The following MAP4 variants were observed in gnomAD, a reference collection of about 807,000 sequenced individuals.
MAP4 encodes microtubule-associated protein 4.
Under a neutral mutation model 170.2 loss-of-function variants are expected in MAP4, and 76 were observed. The observed-to-expected ratio is 0.45, with a 90% CI of 0.37 to 0.54. The LOEUF is 0.54. MAP4 is among the 20% of genes least tolerant of loss of function. The probability of loss-of-function intolerance (pLI) is 0.00; values close to 1 mark genes in which losing one functional copy is unlikely to be tolerated. For synonymous variants in MAP4, 909 were observed against 994.5 expected (o/e 0.91, Z 1.62); for missense variants, 2,506 against 2,748.0 (o/e 0.91, Z 1.97).
chr3:47,882,034 T>C (rs951431137), intron 10 of MAP4, among the ~76,000 whole-genome samples: 1 of 152,176 alleles, frequency 6.6e-6, no homozygotes. Context: ...CATTCAGCAC[T>C]TTGGGAGGCC....
intron 3 of MAP4, among the ~76,000 whole-genome samples, chr3:47,964,746 GAAC>G (rs2100073825): frequency 6.6e-6 from 1 of 152,122 alleles, no homozygotes; most frequent in African/African-American, 2.4e-5. Context: ...GGACAAACCA[GAAC>G]AAACGTACAA....
chr3:47,953,355 T>G (rs944505561), intron 3 of MAP4, among the ~76,000 whole-genome samples: 4 of 151,870 alleles, frequency 2.6e-5, no homozygotes, highest in African/African-American at 9.7e-5. Flanking sequence ...AGACCCCATC[T>G]CCACAAAAAA....
intron 2 of MAP4, among the ~76,000 whole-genome samples, chr3:47,995,401 C>G (rs2100094900): frequency 6.6e-6 from 1 of 152,016 alleles, no homozygotes; most frequent in African/African-American, 2.4e-5. Context: ...CAGGTGCACA[C>G]CATTACCCCT....
At chr3:47,902,862 A>G (rs1047438665) in intron 10 of MAP4, 88 bp downstream of exon 10, 1 of 465,720 alleles carries the variant, frequency 2.1e-6, no homozygotes, top group Non-Finnish European at 2.8e-6. Context: ...TCTGCTGAGC[A>G]TATTTTATTT....
intron 1 of MAP4, among the ~76,000 whole-genome samples, chr3:48,079,815 T>A (rs2100145691): frequency 6.6e-6 from 1 of 151,862 alleles, no homozygotes; most frequent in South Asian, 2.1e-4. Flanking sequence ...CTGGGCACGG[T>A]GGCAGGTACT....
chr3:47,987,722 C>T (rs2100089669), intron 2 of MAP4, among the ~76,000 whole-genome samples: 1 of 152,208 alleles, frequency 6.6e-6, no homozygotes, highest in Non-Finnish European at 1.5e-5. Context: ...CAATTCTTTC[C>T]TTTCAGTTGC....
At chr3:47,905,908 C>T (rs1166139391) in intron 9 of MAP4, among the ~76,000 whole-genome samples, 1 of 151,900 alleles carries the variant, frequency 6.6e-6, no homozygotes, top group Non-Finnish European at 1.5e-5. Flanking sequence ...GTAGGAGAAT[C>T]GCTTGAACCT....
At chr3:48,032,663 TCAAAAA>T (rs2100116791) in intron 1 of MAP4, among the ~76,000 whole-genome samples, 1 of 152,102 alleles carries the variant, frequency 6.6e-6, no homozygotes, top group African/African-American at 2.4e-5. Flanking sequence ...AGACTCCTTC[TCAAAAA>T]CAAACAAAAA....
chr3:48,061,735 AG>A (rs2100135500), intron 1 of MAP4, among the ~76,000 whole-genome samples: 1 of 99,716 alleles, frequency 1.0e-5, no homozygotes. Flanking sequence ...GCAGCCGCCC[AG>A]TCCGGGAGGT....
intron 2 of MAP4, among the ~76,000 whole-genome samples, chr3:47,995,147 T>C (rs931620636): frequency 5.9e-5 from 9 of 152,052 alleles, no homozygotes; most frequent in Admixed American, 4.6e-4. Flanking sequence ...TTCTGGAAAA[T>C]TGAATTAAAG....
At position 47,890,886 on chromosome 3, in the gene MAP4, C is replaced by G. The variant is rs76489172; in HGVS notation, c.5434+12064G>C. Reference sequence around the variant, plus strand: ...CCTCACTCCCAGCAAGCTTCCAACACAAGGGAATTAAGCTTTCCCCAGGCA... The same window carrying G: ...CCTCACTCCCAGCAAGCTTCCAACAGAAGGGAATTAAGCTTTCCCCAGGCA... On this transcript the variant is annotated intron_variant, in intron 10 of 20. Transcript: ENST00000683076. 6,159 of 679,412 alleles carry G rather than the reference C, an allele frequency of 9.1e-3. 419 individuals are homozygous for G. In the East Asian group the frequency reaches 0.15, roughly 16 times the overall value. 42.1% of individuals were successfully genotyped at this position (679,412 alleles called of 1,614,324 possible). A position where few individuals can be genotyped will look rare whatever the true frequency, so the allele number is the denominator to read the frequency against.
chr3:47,933,070 T>G (rs374544019), intron 3 of MAP4, among the ~76,000 whole-genome samples: 71 of 151,678 alleles, frequency 4.7e-4, no homozygotes, highest in African/African-American at 1.7e-3. Context: ...ACCTGGCTAA[T>G]TTTTTTTTAA....
At chr3:47,928,992 G>A (rs542011999) in intron 3 of MAP4, among the ~76,000 whole-genome samples, 1 of 152,214 alleles carries the variant, frequency 6.6e-6, no homozygotes, top group Non-Finnish European at 1.5e-5. Flanking sequence ...ACCTAGAAAA[G>A]CCAAAACAAT....
chr3:47,953,328 G>C (rs574759148), intron 3 of MAP4, among the ~76,000 whole-genome samples: 1 of 152,132 alleles, frequency 6.6e-6, no homozygotes, highest in African/African-American at 2.4e-5. Context: ...TTCAAGCCTA[G>C]AATGAGCAAC....
intron 1 of MAP4, among the ~76,000 whole-genome samples, chr3:48,051,485 C>T (rs1258102287): frequency 6.6e-6 from 1 of 152,178 alleles, no homozygotes; most frequent in Non-Finnish European, 1.5e-5. Flanking sequence ...CTTTATAGCA[C>T]CATTGAGACT....
At chr3:47,900,466 A>G (rs1211657125) in intron 10 of MAP4, among the ~76,000 whole-genome samples, 1 of 152,206 alleles carries the variant, frequency 6.6e-6, no homozygotes, top group East Asian at 1.9e-4. Flanking sequence ...AAGGCCGGGC[A>G]TGGTAGCTAA....
At chr3:48,026,871 T>A (rs760824697) in intron 1 of MAP4, among the ~76,000 whole-genome samples, 5 of 152,200 alleles carry the variant, frequency 3.3e-5, no homozygotes, top group Non-Finnish European at 7.3e-5. Flanking sequence ...ACTGTCACTG[T>A]CAGCTTTACT....
intron 11 of MAP4, among the ~76,000 whole-genome samples, chr3:47,876,194 C>T (rs2095385960): frequency 6.9e-6 from 1 of 145,732 alleles, no homozygotes; most frequent in South Asian, 2.1e-4. Flanking sequence ...AGTGCAGTGG[C>T]GATCTCGGCT....
chr3:47,981,735 A>AG (rs1209628216), intron 2 of MAP4, among the ~76,000 whole-genome samples: 1 of 151,812 alleles, frequency 6.6e-6, no homozygotes, highest in East Asian at 1.9e-4. Flanking sequence ...ACTGCACTCC[A>AG]GTCTGGGCGA....
Sources: allele counts gnomAD v4.1 joint callset (sites outside exome capture counted in the v4.1 genomes callset), GRCh38; gene constraint gnomAD v4.1.1; transcripts MANE v1.5; gene names NCBI Gene and HGNC (gene_info 2026-07-23, HGNC 2026-07-21).